VPS13D: variants seen among roughly 807,000 people sequenced by gnomAD.
VPS13D encodes the protein vacuolar protein sorting 13 homolog D, also known as intermembrane lipid transfer protein VPS13D.
In VPS13D, 187 loss-of-function variants were observed where a neutral mutation model predicts 461.9. That is an observed-to-expected ratio of 0.40 (90% CI 0.36 to 0.46). The LOEUF (loss-of-function observed/expected upper bound fraction) is 0.46, where lower values mean the gene tolerates loss of function less well. VPS13D is among the 20% of genes least tolerant of loss of function. The pLI, the probability that VPS13D is intolerant of heterozygous loss-of-function variation, is 0.60. For synonymous variants in VPS13D, 1,951 were observed against 1,986.3 expected, an observed-to-expected ratio of 0.98 and a Z score of 0.47; for missense variants, 4,711 against 5,364.9, an observed-to-expected ratio of 0.88 and a Z score of 3.81.
At chr1:12,398,438 T>G (rs1420891298) in intron 60 of VPS13D, among the ~76,000 whole-genome samples, 7 of 152,012 alleles carry the variant, frequency 4.6e-5, no homozygotes. Context: ...TGTCTACTTG[T>G]TTGTAAAATG....
chr1:12,332,057 A>G (rs1413553642), intron 37 of VPS13D, among the ~76,000 whole-genome samples: 1 of 152,234 alleles, frequency 6.6e-6, no homozygotes, highest in African/African-American at 2.4e-5. Context: ...ATTAAGTGGG[A>G]CACTACTAAT....
intron 27 of VPS13D, among the ~76,000 whole-genome samples, chr1:12,310,748 T>C: frequency 6.6e-6 from 1 of 151,228 alleles, no homozygotes. Context: ...GGTTTAAGGA[T>C]TTCCCTCCCT....
intron 57 of VPS13D, among the ~76,000 whole-genome samples, chr1:12,380,493 T>C (rs1644258928): frequency 6.6e-6 from 1 of 152,240 alleles, no homozygotes; most frequent in Admixed American, 6.5e-5. Context: ...GTCTACCTCA[T>C]GATAAACTCC....
At chr1:12,339,152 CAAAG>C (rs1643512822) in intron 40 of VPS13D, among the ~76,000 whole-genome samples, 3 of 152,128 alleles carry the variant, frequency 2.0e-5, no homozygotes, top group Middle Eastern at 6.8e-3. Flanking sequence ...GGAGGGCTCA[CAAAG>C]AAAGCCCAGA....
At chr1:12,340,075 C>T (rs775559395) in intron 40 of VPS13D, among the ~76,000 whole-genome samples, 1 of 152,138 alleles carries the variant, frequency 6.6e-6, no homozygotes, top group Non-Finnish European at 1.5e-5. Flanking sequence ...TTTCAAAGTG[C>T]CACAGTAAAT....
intron 68 of VPS13D, 21 bp from the exon 69 acceptor site, chr1:12,506,832 T>C: frequency 1.2e-6 from 2 of 1,610,480 alleles, no homozygotes; most frequent in South Asian, 1.1e-5. Flanking sequence ...GTCACTCCTG[T>C]GTTCCCGTCT....
At position 12,507,048 on chromosome 1, in the gene VPS13D, G is replaced by T. The variant is rs915297075; in HGVS notation, c.12990G>T (p.Thr4330=). 1 of 1,614,134 alleles carries T rather than the reference G, an allele frequency of 6.2e-7. No homozygotes were observed. The highest frequency in any genetic ancestry group is 8.5e-7 in the Non-Finnish European group (1 of 1,180,046). Reference sequence around the variant, plus strand: ...AGGTGACCAAGAAAGCCGTGAGCACGAGCAGTGGAGTGTCCATCCCCGGCC... The same window carrying T: ...AGGTGACCAAGAAAGCCGTGAGCACTAGCAGTGGAGTGTCCATCCCCGGCC... The part of the protein sequence containing the change: ...YVQVTKKAVS[T]SSGVSIPGPS... Residue 4330 remains threonine (T), a synonymous_variant, in exon 69 of 70, where the codon ACG becomes ACT. Transcript: ENST00000620676. The surrounding 1 kb of genome is among the most constrained non-coding windows in gnomAD (Gnocchi z 5.3).
intron 7 of VPS13D, among the ~76,000 whole-genome samples, chr1:12,254,518 T>TC (rs1355723244): frequency 2.4e-5 from 3 of 124,918 alleles, no homozygotes; most frequent in Admixed American, 7.7e-5. Context: ...TCAATCTTTT[T>TC]TTTTTTTTTT....
At chr1:12,314,065 A>T in intron 29 of VPS13D, 50 bp from the exon 30 acceptor site, 1 of 1,543,114 alleles carries the variant, frequency 6.5e-7, no homozygotes, top group South Asian at 1.1e-5. Context: ...CTTTTGTAAA[A>T]TGGAAGAGTT....
chr1:12,261,911 G>C lies in VPS13D; in HGVS notation c.1425G>C (p.Glu475Asp), dbSNP rs768114514. The C allele has an allele frequency of 1.2e-6, 2 of 1,609,678 alleles. No homozygotes were observed. The highest frequency in any genetic ancestry group is 1.7e-6 in the Non-Finnish European group (2 of 1,177,176). The change falls in exon 13 of 70, where the codon GAG becomes GAC. Residue 475 changes from glutamate to aspartate, a missense_variant. This residue lies in a region of VPS13D where 4,411 missense variants were observed against 4,937.8 expected (regional missense o/e 0.89). Transcript: ENST00000620676. ...TCCCTTACCATTTAGGCACTGAGGA[G>C]TTTTTTGACCCCACTGCAGATGCCT... The part of the protein sequence containing the change: ...WIPEEILGTE[E>D]FFDPTADASC...
At chr1:12,456,551 T>C (rs1645330270) in intron 66 of VPS13D, among the ~76,000 whole-genome samples, 1 of 144,986 alleles carries the variant, frequency 6.9e-6, no homozygotes, top group Non-Finnish European at 1.5e-5. Context: ...GGCAGGAGAA[T>C]TGCTCGAACC....
chr1:12,314,386 G>T, intron 30 of VPS13D, 59 bp downstream of exon 30: 1 of 1,548,750 alleles, frequency 6.5e-7, no homozygotes, highest in Non-Finnish European at 8.8e-7. Context: ...TTTGGGTCAC[G>T]TCTTTGTTGG....
intron 50 of VPS13D, among the ~76,000 whole-genome samples, chr1:12,360,821 G>A (rs778583731): frequency 6.6e-6 from 1 of 152,102 alleles, no homozygotes; most frequent in African/African-American, 2.4e-5. Context: ...AGTGAATTAC[G>A]GCATTTACAG....
chr1:12,311,650 G>A (rs780991942), intron 28 of VPS13D, 25 bp downstream of exon 28: 16 of 1,612,560 alleles, frequency 9.9e-6, no homozygotes, highest in Admixed American at 5.0e-5. Flanking sequence ...ATGTTCTTCT[G>A]TCACTCTCAT....
Position 12,473,292 on chromosome 1 carries a change from A to G in VPS13D, c.12662+12896A>G, listed in dbSNP as rs1645586932. 1.3e-5 allele frequency among the ~76,000 whole-genome samples: 2 copies of G among 151,994 alleles called. No individual in the cohort carries two copies. The highest frequency in any genetic ancestry group is 2.9e-5 in the Non-Finnish European group (2 of 67,986). On this transcript the variant is annotated intron_variant, in intron 67 of 69. Coordinates refer to ENST00000620676, the MANE Select transcript of VPS13D (RefSeq NM_015378.4). This position sits in a 1 kb window ranked among gnomAD's most constrained non-coding sequence, Gnocchi z 4.2. ...AAAGATGTGGAAAGGACGTAAAATC[A>G]CAGGTTCTTCCCCAGTTCTGAAAAA... is the stretch of plus-strand genomic sequence containing the variant.
At chr1:12,281,597 C>A (rs1413322643) in intron 20 of VPS13D, among the ~76,000 whole-genome samples, 1 of 152,070 alleles carries the variant, frequency 6.6e-6, no homozygotes, top group Admixed American at 6.6e-5. Flanking sequence ...GTGCTGTATA[C>A]TTCATATTAC....
chr1:12,394,808 A>G (rs1644474157), intron 60 of VPS13D, among the ~76,000 whole-genome samples: 1 of 152,084 alleles, frequency 6.6e-6, no homozygotes, highest in Admixed American at 6.5e-5. Context: ...TCAGCTAACC[A>G]AGTAAATAAA....
intron 67 of VPS13D, among the ~76,000 whole-genome samples, chr1:12,474,766 CT>C (rs1645608090): frequency 2.0e-5 from 3 of 152,118 alleles, no homozygotes; most frequent in African/African-American, 4.8e-5. Context: ...TAACTGTTGC[CT>C]TTTGAGCCTC....
At chr1:12,332,311 A>C (rs1478087240) in intron 37 of VPS13D, among the ~76,000 whole-genome samples, 1 of 152,254 alleles carries the variant, frequency 6.6e-6, no homozygotes, top group African/African-American at 2.4e-5. Flanking sequence ...AATGTCTTTC[A>C]GAAGTAGAAT....
Sources: gnomAD v4.1 joint callset for allele counts (sites outside exome capture counted in the v4.1 genomes callset) on GRCh38, gnomAD v4.1.1 for gene constraint, gnomAD v4.1.1 regional missense constraint, Gnocchi (gnomAD v3.1) non-coding constraint, MANE v1.5 for transcripts, NCBI Gene and HGNC (gene_info 2026-07-23, HGNC 2026-07-21) for gene names.